Variants in OSBPL10 observed in about 807,000 individuals in gnomAD.
OSBPL10 encodes oxysterol binding protein like 10, also known as oxysterol-binding protein-related protein 10.
OSBPL10 carries 49 observed loss-of-function variants against 81.7 expected under a neutral mutation model. The ratio of observed to expected loss-of-function variants is 0.60; its 90% CI spans 0.48 to 0.76. The LOEUF is 0.76. OSBPL10 is among the 30% of genes least tolerant of loss of function. OSBPL10 has a pLI of 0.00. For missense variants in OSBPL10, 923 were observed against 987.8 expected, an observed-to-expected ratio of 0.93 and a Z score of 0.88; for synonymous variants, 419 against 383.6, an observed-to-expected ratio of 1.09 and a Z score of -1.08.
At position 31,714,458 on chromosome 3, in the gene OSBPL10, G is replaced by A. The variant is rs149916318; in HGVS notation, c.1096-11950C>T. Among the ~76,000 whole-genome samples the A allele has an allele frequency of 1.9e-3, 294 of 152,240 alleles. 1 individual carries two copies. The highest frequency in any genetic ancestry group is 6.5e-3 in the African/African-American group (269 of 41,540). The stretch of plus-strand genomic sequence containing the variant: ...AGAGAGAGAAAGCACGAGAGGCAGC[G>A]GGGTGGAGTGAGAGGCAAAATGGAC... On this transcript the variant is annotated intron_variant, in intron 6 of 11. Coordinates refer to ENST00000396556, the MANE Select transcript of OSBPL10 (RefSeq NM_017784.5).
intron 3 of OSBPL10, among the ~76,000 whole-genome samples, chr3:31,859,414 C>T (rs1472971151): frequency 6.6e-6 from 1 of 152,218 alleles, no homozygotes; most frequent in African/African-American, 2.4e-5. Context: ...CATCTGTATC[C>T]TTTGCAACAT....
intron 6 of OSBPL10, among the ~76,000 whole-genome samples, chr3:31,709,775 C>T (rs1559427337): frequency 6.6e-6 from 1 of 152,188 alleles, no homozygotes; most frequent in Non-Finnish European, 1.5e-5. Flanking sequence ...AGCCTGCTGC[C>T]TGGAAAAGCA....
chr3:31,924,065 G>A (rs1038660852), intron 1 of OSBPL10, among the ~76,000 whole-genome samples: 1 of 151,550 alleles, frequency 6.6e-6, no homozygotes, highest in Admixed American at 6.6e-5. Context: ...AAAAATACAA[G>A]AAAATTAGTG....
intron 2 of OSBPL10, among the ~76,000 whole-genome samples, chr3:32,010,666 A>G (rs1699247533): frequency 6.6e-6 from 1 of 152,198 alleles, no homozygotes; most frequent in Admixed American, 6.5e-5. Flanking sequence ...AGGAAGTGCA[A>G]GGGGTCAGGG....
At chr3:31,662,947 G>C in intron 11 of OSBPL10, 1 of 985,446 alleles carries the variant, frequency 1.0e-6, no homozygotes, top group Non-Finnish European at 1.2e-6. Flanking sequence ...TAAAGGCAAA[G>C]TCTTCTCCAG....
In OSBPL10 at chr3:31,833,705, G is replaced by GCACA. The variant is rs10591808; in HGVS notation, c.538-3478_538-3475dup. On this transcript the variant is annotated intron_variant, in intron 3 of 11. Transcript: ENST00000396556. ...GTAGGGAAAACACGCACACGCACAC[G>GCACA]CACACACACACACACACACACACAC... Among the ~76,000 whole-genome samples, 565 of 138,022 alleles carry GCACA rather than the reference G, an allele frequency of 4.1e-3. 6 individuals carry two copies. Among genetic ancestry groups the GCACA allele is most frequent in the East Asian group, 0.018 (79 of 4,510 alleles). The allele number at this position is 138,022 out of a possible 152,430, so 90.5% of individuals were successfully genotyped here.
At chr3:31,780,870 A>G (rs886903996) in intron 4 of OSBPL10, among the ~76,000 whole-genome samples, 2 of 151,226 alleles carry the variant, frequency 1.3e-5, no homozygotes, top group East Asian at 2.0e-4. Context: ...TGGATTCACA[A>G]CTGAATTCTA....
intron 1 of OSBPL10, among the ~76,000 whole-genome samples, chr3:31,930,658 C>G (rs1697212828): frequency 6.6e-6 from 1 of 152,046 alleles, no homozygotes; most frequent in African/African-American, 2.4e-5. Flanking sequence ...CCTTTTATCT[C>G]CTTCTATGGA....
intron 1 of OSBPL10, among the ~76,000 whole-genome samples, chr3:32,060,560 C>CTTGTTGGAGTCTG (rs1575094549): frequency 1.0e-5 from 1 of 96,844 alleles, no homozygotes; most frequent in Admixed American, 1.2e-4. Flanking sequence ...ATAATATCCC[C>CTTGTTGGAGTCTG]ACTCTTCATC....
intron 2 of OSBPL10, among the ~76,000 whole-genome samples, chr3:32,011,164 C>T (rs557367083): frequency 2.4e-4 from 36 of 152,284 alleles, no homozygotes; most frequent in East Asian, 2.1e-3. Flanking sequence ...CCCTGACCCC[C>T]GAGTAGCCTA....
intron 3 of OSBPL10, among the ~76,000 whole-genome samples, chr3:31,864,423 G>A (rs1701126582): frequency 6.6e-6 from 1 of 151,864 alleles, no homozygotes; most frequent in African/African-American, 2.4e-5. Context: ...TGTATTTTTG[G>A]TAGACAGGGT....
At chr3:32,076,362 C>A (rs992479403) in intron 1 of OSBPL10, among the ~76,000 whole-genome samples, 2 of 149,840 alleles carry the variant, frequency 1.3e-5, no homozygotes, top group Admixed American at 6.6e-5. Context: ...AGTGAGACTC[C>A]ATCTCAAAAA....
In OSBPL10 at chr3:32,030,932, G is replaced by A. The variant is rs185880169; in HGVS notation, n.298+15559C>T. Among the ~76,000 whole-genome samples, 337 of 152,156 alleles carry A rather than the reference G, an allele frequency of 2.2e-3. 3 individuals carry two copies. The highest frequency in any genetic ancestry group is 7.5e-3 in the African/African-American group (313 of 41,534). ...TGTAATCCCAGCACTTTGGGAGGCC[G>A]AGGCGGGTGGATCACCTGAGGTCAG... is the stretch of plus-strand genomic sequence containing the variant. On this transcript the variant is annotated intron_variant and non_coding_transcript_variant, in intron 2 of 3. Coordinates refer to the OSBPL10 transcript ENST00000479173.
At chr3:31,664,472 G>A (rs545693261) in intron 10 of OSBPL10, 90 of 577,912 alleles carry the variant, frequency 1.6e-4, no homozygotes, top group African/African-American at 3.4e-4. Context: ...CTCAGGGCCC[G>A]GAGATTCTGG....
chr3:31,845,891 T>C (rs1190753599), intron 3 of OSBPL10, among the ~76,000 whole-genome samples: 2 of 152,216 alleles, frequency 1.3e-5, no homozygotes, highest in South Asian at 2.1e-4. Context: ...GCATTACTTA[T>C]TTGACTTCAA....
chr3:31,924,191 C>G (rs1697000347), intron 1 of OSBPL10, among the ~76,000 whole-genome samples: 2 of 149,418 alleles, frequency 1.3e-5, no homozygotes, highest in Admixed American at 1.3e-4. Flanking sequence ...TGCACTCCAG[C>G]CCAGGTGACA....
intron 7 of OSBPL10, among the ~76,000 whole-genome samples, chr3:31,691,461 C>T (rs1252742054): frequency 3.9e-5 from 6 of 152,122 alleles, no homozygotes; most frequent in Non-Finnish European, 8.8e-5. Context: ...GGCTCAGACC[C>T]ATGATCCCAG....
At chr3:31,681,664 C>T (rs547714867) in intron 8 of OSBPL10, among the ~76,000 whole-genome samples, 2 of 152,300 alleles carry the variant, frequency 1.3e-5, no homozygotes, top group South Asian at 4.1e-4. Context: ...TCGCAAGGAG[C>T]ACCTTCTCCC....
chr3:31,692,837 C>G (rs1039842970), intron 7 of OSBPL10, among the ~76,000 whole-genome samples: 1 of 152,196 alleles, frequency 6.6e-6, no homozygotes, highest in Admixed American at 6.5e-5. Flanking sequence ...TTCTGCTTGG[C>G]CAAGGCCCAT....
Sources: gnomAD v4.1 joint callset for allele counts (sites outside exome capture counted in the v4.1 genomes callset) on GRCh38, gnomAD v4.1.1 for gene constraint, MANE v1.5 for transcripts, NCBI Gene and HGNC (gene_info 2026-07-23, HGNC 2026-07-21) for gene names.